Variants in APBA2 observed in about 807,000 individuals in gnomAD.
APBA2 encodes amyloid beta precursor protein binding family A member 2.
APBA2 carries 30 observed loss-of-function variants against 75.0 expected under a neutral mutation model. The observed-to-expected ratio is 0.40, with a 90% CI of 0.30 to 0.54. The LOEUF (loss-of-function observed/expected upper bound fraction) is 0.54. APBA2 is among the 20% of genes least tolerant of loss of function. APBA2 has a pLI of 0.49. For synonymous variants in APBA2, 444 were observed against 409.6 expected (o/e 1.08, Z -1.01); for missense variants, 801 against 1,016.1 (o/e 0.79, Z 2.88).
intron 4 of APBA2, among the ~76,000 whole-genome samples, chr15:29,059,530 G>A (rs71469197): frequency 0.017 from 2,531 of 152,214 alleles, 22 homozygotes; most frequent in Middle Eastern, 0.048. Flanking sequence ...GTGATCTAGG[G>A]TCAGGGAAAT....
intron 2 of APBA2, among the ~76,000 whole-genome samples, chr15:28,938,784 C>G (rs1193777874): frequency 1.3e-5 from 2 of 152,220 alleles, no homozygotes; most frequent in Non-Finnish European, 2.9e-5. Context: ...GCTGGAATCA[C>G]AGGCATGAGC....
At chr15:29,003,181 T>C (rs2152804253) in intron 3 of APBA2, among the ~76,000 whole-genome samples, 1 of 152,150 alleles carries the variant, frequency 6.6e-6, no homozygotes, top group East Asian at 1.9e-4. Flanking sequence ...TAGTTGACCT[T>C]GGAGGGTGCG....
intron 13 of APBA2, among the ~76,000 whole-genome samples, chr15:29,112,733 A>C (rs1197656064): frequency 6.6e-6 from 1 of 152,140 alleles, no homozygotes; most frequent in African/African-American, 2.4e-5. Context: ...CATCATAGCC[A>C]TTTTGAAGTG....
rs1467341069 is a variant in APBA2 at position 29,101,492 on chromosome 15, A to G, written c.1339-107A>G. ...GGTGATCTGCCTGCCTCGGCCTCCC[A>G]AAGTGCTAGGATTACAGGCTTGAGC... On this transcript the variant is annotated intron_variant, in intron 9 of 14. Coordinates refer to ENST00000683413, the MANE Select transcript of APBA2 (RefSeq NM_001353788.2). 8.4e-6 allele frequency: 11 copies of G among 1,309,210 alleles called. No homozygotes were observed. The East Asian group carries it at 1.5e-4, about 18-fold the overall frequency. The allele number at this position is 1,309,210 out of a possible 1,614,324, so 81.1% of individuals were successfully genotyped here. A position where few individuals can be genotyped will look rare whatever the true frequency, so the allele number is the denominator to read the frequency against.
chr15:29,097,219 G>T (rs1169983948), intron 8 of APBA2, among the ~76,000 whole-genome samples: 1 of 152,372 alleles, frequency 6.6e-6, no homozygotes, highest in South Asian at 2.1e-4. Context: ...ATTTCTTAAG[G>T]ATACTTAGAA....
intron 3 of APBA2, among the ~76,000 whole-genome samples, chr15:29,019,892 T>G (rs1200881114): frequency 6.6e-6 from 1 of 152,272 alleles, no homozygotes; most frequent in Non-Finnish European, 1.5e-5. Context: ...TACCAGATAC[T>G]GTCAGGTTCC....
At chr15:29,076,295 T>C (rs774741970) in intron 6 of APBA2, among the ~76,000 whole-genome samples, 23 of 152,186 alleles carry the variant, frequency 1.5e-4, no homozygotes, top group Non-Finnish European at 3.1e-4. Flanking sequence ...CCCGCTTTGA[T>C]GCAAGGAACA....
At chr15:28,958,601 T>C (rs2036297522) in intron 2 of APBA2, among the ~76,000 whole-genome samples, 1 of 152,174 alleles carries the variant, frequency 6.6e-6, no homozygotes, top group South Asian at 2.1e-4. Flanking sequence ...GGCACAGAGC[T>C]CTGGCTTGTG....
chr15:29,033,204 A>T (rs1595781628), intron 3 of APBA2, among the ~76,000 whole-genome samples: 1 of 151,844 alleles, frequency 6.6e-6, no homozygotes, highest in South Asian at 2.1e-4. Flanking sequence ...ACGATCTGGG[A>T]TCAGGGTTAG....
At chr15:28,922,793 C>T (rs946726902) in intron 2 of APBA2, among the ~76,000 whole-genome samples, 1 of 152,210 alleles carries the variant, frequency 6.6e-6, no homozygotes, top group Non-Finnish European at 1.5e-5. Context: ...CCTCTCAACC[C>T]AGAACACTGC....
intron 4 of APBA2, chr15:29,071,074 A>G (rs946306847): frequency 1.3e-5 from 6 of 456,410 alleles, no homozygotes; most frequent in African/African-American, 1.0e-4. Context: ...AAGCATCCTG[A>G]CTATGTTGAC....
intron 4 of APBA2, among the ~76,000 whole-genome samples, chr15:29,071,518 C>T (rs2042621980): frequency 6.6e-6 from 1 of 151,108 alleles, no homozygotes; most frequent in African/African-American, 2.4e-5. Context: ...TGAGGCGACC[C>T]TGGCTGGCAT....
chr15:29,092,131 C>T (rs1435541473), intron 6 of APBA2, among the ~76,000 whole-genome samples: 1 of 152,210 alleles, frequency 6.6e-6, no homozygotes, highest in Non-Finnish European at 1.5e-5. Context: ...CACAGCCACA[C>T]CTCCTGTTTT....
At chr15:29,117,004 C>G in intron 14 of APBA2, 58 bp from the exon 15 acceptor site, 1 of 1,558,762 alleles carries the variant, frequency 6.4e-7, no homozygotes, top group East Asian at 2.2e-5. Flanking sequence ...TTGCTTTCAC[C>G]TGATTGTGGG....
At chr15:29,036,823 C>A (rs148176724) in intron 3 of APBA2, among the ~76,000 whole-genome samples, 157 of 152,148 alleles carry the variant, frequency 1.0e-3, no homozygotes, top group African/African-American at 3.6e-3. Flanking sequence ...ACTTTGAGAC[C>A]AGCCCGGGCA....
intron 3 of APBA2, among the ~76,000 whole-genome samples, chr15:29,002,259 A>C (rs1342471722): frequency 6.6e-6 from 1 of 152,258 alleles, no homozygotes; most frequent in East Asian, 1.9e-4. Context: ...ATTGATGAGC[A>C]ATGTACATGT....
chr15:28,887,114 G>T (rs550584558), intron 1 of APBA2, among the ~76,000 whole-genome samples: 1 of 152,228 alleles, frequency 6.6e-6, no homozygotes, highest in African/African-American at 2.4e-5. Context: ...GTATTTACTG[G>T]CAGAAGGAAG....
At chr15:28,987,063 C>T (rs2037963840) in intron 2 of APBA2, among the ~76,000 whole-genome samples, 1 of 151,142 alleles carries the variant, frequency 6.6e-6, no homozygotes, top group African/African-American at 2.5e-5. Context: ...CTCCCAAAGG[C>T]CCACTGTCTA....
At chr15:28,905,127 T>C (rs1235066066) in intron 1 of APBA2, among the ~76,000 whole-genome samples, 4 of 152,292 alleles carry the variant, frequency 2.6e-5, no homozygotes, top group Middle Eastern at 3.4e-3. Context: ...GGCTGCCTTT[T>C]GAAGCTTGGC....
Sources: gnomAD v4.1 joint callset for allele counts (sites outside exome capture counted in the v4.1 genomes callset) on GRCh38, gnomAD v4.1.1 for gene constraint, MANE v1.5 for transcripts, NCBI Gene and HGNC (gene_info 2026-07-23, HGNC 2026-07-21) for gene names.